KLF8: variants seen among roughly 807,000 people sequenced by gnomAD.
KLF8 encodes KLF transcription factor 8, also known as Krueppel-like factor 8.
A neutral mutation model predicts 18.2 loss-of-function variants in KLF8; 10 were observed. That is an observed-to-expected ratio of 0.55 (90% CI 0.34 to 0.93). The LOEUF (loss-of-function observed/expected upper bound fraction) is 0.93. KLF8 is among the 40% of genes least tolerant of loss of function. The pLI, the probability that KLF8 is intolerant of heterozygous loss-of-function variation, is 0.02. For synonymous variants in KLF8, 109 were observed against 97.3 expected, an observed-to-expected ratio of 1.12 and a Z score of -0.71; for missense variants, 264 against 277.9, an observed-to-expected ratio of 0.95 and a Z score of 0.36.
chrX:56,169,220 G>A, the KLF8 span, among the ~76,000 whole-genome samples: 1 of 111,272 alleles, frequency 9.0e-6, no homozygotes, highest in African/African-American at 3.3e-5. Flanking sequence ...ATAGACCTTG[G>A]GTAAGACTCA....
the KLF8 span, among the ~76,000 whole-genome samples, chrX:55,988,070 T>A: frequency 1.8e-5 from 2 of 112,108 alleles, no homozygotes; most frequent in African/African-American, 6.5e-5. Context: ...CTTGTAAATT[T>A]GTTTGAGTTC....
At chrX:56,175,367 T>G in the KLF8 span, among the ~76,000 whole-genome samples, 1 of 112,207 alleles carries the variant, frequency 8.9e-6, no homozygotes, top group Non-Finnish European at 1.9e-5. Context: ...GAGTAGTCAT[T>G]CATGAGCAGG....
chrX:56,193,385 T>C, the KLF8 span, among the ~76,000 whole-genome samples: 1 of 111,926 alleles, frequency 8.9e-6, no homozygotes, highest in Non-Finnish European at 1.9e-5. Context: ...TGTAAGTTAG[T>C]ACAACCACCA....
the KLF8 span, among the ~76,000 whole-genome samples, chrX:55,928,522 C>T: frequency 9.0e-6 from 1 of 111,345 alleles, no homozygotes; most frequent in African/African-American, 3.3e-5. Context: ...TAGTGCTCCA[C>T]CCCCTGACAG....
chrX:56,233,922 C>G (rs1268839975), intron 1 of KLF8, among the ~76,000 whole-genome samples: 1 of 111,565 alleles, frequency 9.0e-6, no homozygotes, highest in Non-Finnish European at 1.9e-5. Context: ...AGAAGGAAGC[C>G]AGAGCCTAGG....
the KLF8 span, among the ~76,000 whole-genome samples, chrX:56,018,436 A>C: frequency 8.9e-6 from 1 of 111,985 alleles, no homozygotes; most frequent in Non-Finnish European, 1.9e-5. Flanking sequence ...TGAAAGTCAT[A>C]ATAAAGACTT....
At chrX:56,090,967 G>A in the KLF8 span, among the ~76,000 whole-genome samples, 4 of 111,757 alleles carry the variant, frequency 3.6e-5, no homozygotes, top group Admixed American at 9.5e-5. Flanking sequence ...TATTTTTAAC[G>A]CTCAGTAGTA....
At chrX:56,171,393 C>G in the KLF8 span, among the ~76,000 whole-genome samples, 3 of 111,641 alleles carry the variant, frequency 2.7e-5, no homozygotes, top group African/African-American at 9.7e-5. Context: ...TTTTATTATA[C>G]TTTAAGTTCT....
chrX:56,191,841 G>C, the KLF8 span, among the ~76,000 whole-genome samples: 1 of 110,971 alleles, frequency 9.0e-6, no homozygotes, highest in African/African-American at 3.3e-5. Context: ...ACTAATAAAA[G>C]CCATATATGA....
At chrX:56,202,559 T>TGCCC in the KLF8 span, among the ~76,000 whole-genome samples, 1 of 75,839 alleles carries the variant, frequency 1.3e-5, no homozygotes. Flanking sequence ...CCATTAACCT[T>TGCCC]CCCCCCCCCT....
At chrX:56,081,688 G>A in the KLF8 span, among the ~76,000 whole-genome samples, 7 of 111,876 alleles carry the variant, frequency 6.3e-5, no homozygotes, top group African/African-American at 1.9e-4. Context: ...TGTTATGAAA[G>A]TATGTTAGAT....
the KLF8 span, among the ~76,000 whole-genome samples, chrX:56,168,939 G>A: frequency 1.8e-5 from 2 of 111,701 alleles, no homozygotes; most frequent in Middle Eastern, 9.2e-3. Context: ...ATAAACTGAA[G>A]ACAACATATT....
chrX:55,911,910 A>G, the KLF8 span, among the ~76,000 whole-genome samples: 1 of 112,149 alleles, frequency 8.9e-6, no homozygotes. Flanking sequence ...AACCTTGGCC[A>G]CACACTGGAA....
At chrX:55,989,936 G>T in the KLF8 span, among the ~76,000 whole-genome samples, 1 of 111,650 alleles carries the variant, frequency 9.0e-6, no homozygotes, top group Non-Finnish European at 1.9e-5. Flanking sequence ...TCTTGGGGGG[G>T]TGTATGTGTC....
At chrX:56,121,736 T>C in the KLF8 span, among the ~76,000 whole-genome samples, 1 of 112,255 alleles carries the variant, frequency 8.9e-6, no homozygotes, top group Admixed American at 9.4e-5. Context: ...ACAGTACCTA[T>C]GTAAGTTTGA....
chrX:56,087,305 G>T, the KLF8 span, among the ~76,000 whole-genome samples: 3 of 110,906 alleles, frequency 2.7e-5, no homozygotes, highest in Admixed American at 9.7e-5. Flanking sequence ...GGTGGGGCCT[G>T]GTGAGAGCTG....
chrX:56,077,605 G>T, the KLF8 span, among the ~76,000 whole-genome samples: 2 of 111,911 alleles, frequency 1.8e-5, no homozygotes, highest in African/African-American at 6.5e-5. Flanking sequence ...TGTTGGCTTA[G>T]GATTGACTTG....
chrX:56,093,234 A>G, the KLF8 span, among the ~76,000 whole-genome samples: 481 of 111,423 alleles, frequency 4.3e-3, 5 homozygotes, highest in African/African-American at 0.015. Context: ...CAAAAAATCT[A>G]TACCTAGGCA....
intron 1 of KLF8, among the ~76,000 whole-genome samples, chrX:56,241,970 C>G (rs945614709): frequency 8.9e-6 from 1 of 112,136 alleles, no homozygotes; most frequent in East Asian, 2.8e-4. Flanking sequence ...GGAGTTATTT[C>G]CACTTTCTAC....
Sources: allele counts gnomAD v4.1 joint callset (sites outside exome capture counted in the v4.1 genomes callset), GRCh38; gene constraint gnomAD v4.1.1; transcripts MANE v1.5; gene names NCBI Gene and HGNC (gene_info 2026-07-23, HGNC 2026-07-21).